ENPEP: variants seen among roughly 807,000 people sequenced by gnomAD.
The protein encoded by ENPEP is AP-A.
ENPEP carries 103 observed loss-of-function variants against 114.5 expected under a neutral mutation model. That is an observed-to-expected ratio of 0.90 (90% CI 0.77 to 1.06). ENPEP has a LOEUF of 1.06. Among genes scored for constraint, ENPEP ranks in the 50% least tolerant of loss-of-function variants. ENPEP has a pLI of 0.00. For missense variants in ENPEP, 1,196 were observed against 1,161.3 expected, an observed-to-expected ratio of 1.03 and a Z score of -0.43; for synonymous variants, 420 against 422.0, an observed-to-expected ratio of 1.00 and a Z score of 0.06.
At position 110,549,540 on chromosome 4, in the gene ENPEP, C is replaced by T. The variant is rs1727205638; in HGVS notation, c.2238C>T (p.Ser746=). ...TTTGTTTTTTAAGGTTACTCCGTTC[C>T]TCCGTGTTAGGGTTTGCGTGCAAGA... ...AGDHVTKLLR[S]SVLGFACKMG... is the part of the protein sequence containing the mutation. The change falls in exon 16 of 20, where the codon TCC becomes TCT. Residue 746 remains serine (S), a synonymous_variant. Transcript: ENST00000265162. 2 of 1,613,494 alleles carry T rather than the reference C, an allele frequency of 1.2e-6. No homozygotes were observed. The highest frequency in any genetic ancestry group is 1.7e-6 in the Non-Finnish European group (2 of 1,179,608).
chr4:110,528,002 C>T (rs550489750), intron 10 of ENPEP, among the ~76,000 whole-genome samples: 46 of 152,182 alleles, frequency 3.0e-4, no homozygotes, highest in African/African-American at 7.5e-4. Flanking sequence ...TATATCATCA[C>T]GGTATAAAAT....
chr4:110,537,888 C>A (rs181620008), intron 11 of ENPEP, among the ~76,000 whole-genome samples: 2 of 152,328 alleles, frequency 1.3e-5, no homozygotes, highest in African/African-American at 4.8e-5. Context: ...GATGACCAGG[C>A]ACACTGTCAA....
rs1403686671 is a variant in ENPEP, at chr4:110,565,124, G to A, written c.*3566G>A. On this transcript the variant is annotated 3_prime_UTR_variant, in exon 20 of 20. Transcript: ENST00000265162. ...TCCTTCCTCTACTTCAGGGTTTAGCGACCTTTTGCCTGCCTGTTTTTGTAA... is the reference window on the plus strand; with the variant it reads ...TCCTTCCTCTACTTCAGGGTTTAGCAACCTTTTGCCTGCCTGTTTTTGTAA... The A allele has an allele frequency of 6.6e-6, 1 of 152,020 alleles. No individual in the cohort carries two copies. The highest frequency in any genetic ancestry group is 2.4e-5 in the African/African-American group (1 of 41,372). The allele number at this position is 152,020 out of a possible 1,614,324, so 9.4% of individuals were successfully genotyped here.
Position 110,510,146 on chromosome 4 carries a change from GACA to G in ENPEP, c.1195-95_1195-93del, listed in dbSNP as rs911544871. ...CAATGCCTGCCACTTCTGTCACAGT[GACA>G]ACATTGGCACGGACAAATAAATGTT... On this transcript the variant is annotated intron_variant, in intron 5 of 19. Transcript: ENST00000265162. The G allele has an allele frequency of 6.5e-5, 63 of 969,152 alleles. No homozygotes were observed. In the African/African-American group the frequency reaches 9.5e-4, roughly 15 times the overall value. The allele number at this position is 969,152 out of a possible 1,614,324, so 60.0% of individuals were successfully genotyped here.
At chr4:110,550,079 C>T (rs1727230288) in intron 17 of ENPEP, among the ~76,000 whole-genome samples, 193 bp downstream of exon 17, 1 of 152,052 alleles carries the variant, frequency 6.6e-6, no homozygotes, top group African/African-American at 2.4e-5. Context: ...CATATGAACA[C>T]ATTCTGGAGG....
At chr4:110,492,298 A>C (rs903222302) in intron 3 of ENPEP, among the ~76,000 whole-genome samples, 5 of 152,184 alleles carry the variant, frequency 3.3e-5, no homozygotes, top group Non-Finnish European at 2.9e-5. Context: ...AAGTGGTAGA[A>C]ACTTAAATTC....
intron 18 of ENPEP, among the ~76,000 whole-genome samples, chr4:110,556,830 C>G (rs542519473): frequency 7.1e-4 from 108 of 152,046 alleles, no homozygotes; most frequent in Non-Finnish European, 1.2e-3. Flanking sequence ...TTTTAAATTA[C>G]ATTTCTTCCA....
chr4:110,476,220 A>C lies in ENPEP; in HGVS notation c.-195A>C. On this transcript the variant is annotated 5_prime_UTR_variant, in exon 1 of 20. Transcript: ENST00000265162. ...CTCATTCCACCCCCCTTGTTTCCGC[A>C]TTCATCCTGAGTGGCTGGTGGGAAC... 1 of 612,318 alleles carries C rather than the reference A, an allele frequency of 1.6e-6. No homozygotes were observed. The highest frequency in any genetic ancestry group is 2.7e-6 in the Non-Finnish European group (1 of 374,442). The allele number at this position is 612,318 out of a possible 1,614,324, so 37.9% of individuals were successfully genotyped here. A position where few individuals can be genotyped will look rare whatever the true frequency, so the allele number is the denominator to read the frequency against.
intron 3 of ENPEP, among the ~76,000 whole-genome samples, chr4:110,499,586 T>C (rs1725073990): frequency 6.6e-6 from 1 of 152,238 alleles, no homozygotes; most frequent in South Asian, 2.1e-4. Flanking sequence ...TGAAAGGTAA[T>C]GTAGTTTGAA....
At chr4:110,546,729 A>G (rs895868932) in intron 13 of ENPEP, among the ~76,000 whole-genome samples, 7 of 152,110 alleles carry the variant, frequency 4.6e-5, no homozygotes, top group African/African-American at 1.7e-4. Context: ...CTCTATAAGC[A>G]ACTTTTCCCA....
chr4:110,506,651 C>T lies in ENPEP; in HGVS notation c.933C>T (p.Val311=). The change falls in exon 4 of 20, where the codon GTC becomes GTT. Residue 311 remains valine (V), a synonymous_variant. Coordinates refer to ENST00000265162, the MANE Select transcript of ENPEP (RefSeq NM_001977.4). The part of the protein sequence containing the change: ...SNSGKPLTIY[V]QPEQKHTAEY... ...TTGTTTAATAGCTTACAATTTATGT[C>T]CAGCCAGAGCAAAAGCACACAGCCG... 6.2e-7 allele frequency: 1 copy of T among 1,603,144 alleles called. No homozygotes were observed. The highest frequency in any genetic ancestry group is 1.1e-5 in the South Asian group (1 of 87,898).
chr4:110,495,828 G>C (rs1724913202), intron 3 of ENPEP, among the ~76,000 whole-genome samples: 1 of 152,142 alleles, frequency 6.6e-6, no homozygotes, highest in South Asian at 2.1e-4. Context: ...GGGGCATTTG[G>C]CATCTGTATT....
chr4:110,537,160 G>A (rs1234033755), intron 11 of ENPEP, among the ~76,000 whole-genome samples: 2 of 152,114 alleles, frequency 1.3e-5, no homozygotes, highest in Non-Finnish European at 1.5e-5. Context: ...AAAGACTTGG[G>A]TGGCTGTGGC....
At position 110,537,093 on chromosome 4, in the gene ENPEP, G is replaced by A. The variant is rs181257189; in HGVS notation, c.1808-5658G>A. On this transcript the variant is annotated intron_variant, in intron 11 of 19. Transcript: ENST00000265162. ...TCAGCGAGTTGTAATCTTTTTTACTGATAAAGGGTCTTGCCTCAGTGTTGA... is the reference window on the plus strand; with the variant it reads ...TCAGCGAGTTGTAATCTTTTTTACTAATAAAGGGTCTTGCCTCAGTGTTGA... Among the ~76,000 whole-genome samples, 38 of 152,272 alleles carry A rather than the reference G, an allele frequency of 2.5e-4. No individual in the cohort carries two copies. In the East Asian group the frequency reaches 6.2e-3, roughly 25 times the overall value.
At chr4:110,548,446 AAAAGAAAGTGC>A (rs1467419360) in intron 14 of ENPEP, 120 bp downstream of exon 14, 1 of 769,562 alleles carries the variant, frequency 1.3e-6, no homozygotes, top group Non-Finnish European at 1.9e-6. Context: ...AGGTGGAATC[AAAAGAAAGTGC>A]AATGACTTGA....
intron 3 of ENPEP, among the ~76,000 whole-genome samples, chr4:110,494,003 A>G (rs1459063733): frequency 1.3e-5 from 2 of 152,240 alleles, no homozygotes; most frequent in Non-Finnish European, 2.9e-5. Flanking sequence ...ACAAAAGAGA[A>G]TCCCGAAAAA....
intron 3 of ENPEP, among the ~76,000 whole-genome samples, chr4:110,497,305 T>C (rs958405892): frequency 3.3e-5 from 5 of 152,208 alleles, no homozygotes; most frequent in African/African-American, 4.8e-5. Flanking sequence ...AATTAGTTTT[T>C]TTTAATTAAT....
Position 110,542,736 on chromosome 4 carries a change from T to A in ENPEP, c.1808-15T>A. 1 of 1,604,604 alleles carries A rather than the reference T, an allele frequency of 6.2e-7. No homozygotes were observed. Among genetic ancestry groups the A allele is most frequent in the Non-Finnish European group, 8.5e-7 (1 of 1,174,886 alleles). On this transcript the variant is annotated splice_polypyrimidine_tract_variant and intron_variant, in intron 11 of 19. Transcript: ENST00000265162. ...TGCAAACATGTTGCTCATTAGTGTT[T>A]ATTTACTACTACAGGAATCACTTTG...
At chr4:110,557,256 T>A (rs890205420) in intron 18 of ENPEP, among the ~76,000 whole-genome samples, 3 of 152,188 alleles carry the variant, frequency 2.0e-5, no homozygotes, top group Admixed American at 2.0e-4. Context: ...GGCAGATGAC[T>A]TACGGATGAT....
Sources: gnomAD v4.1 joint callset for allele counts (sites outside exome capture counted in the v4.1 genomes callset) on GRCh38, gnomAD v4.1.1 for gene constraint, MANE v1.5 for transcripts, NCBI Gene and HGNC (gene_info 2026-07-23, HGNC 2026-07-21) for gene names.